The following PBX3 variants were observed in gnomAD, a reference collection of about 807,000 sequenced individuals.
The protein encoded by PBX3 is pre-B-cell leukemia transcription factor 3.
Under a neutral mutation model 48.5 loss-of-function variants are expected in PBX3, and 14 were observed. The observed-to-expected ratio is 0.29, with a 90% confidence interval of 0.19 to 0.45. The LOEUF (loss-of-function observed/expected upper bound fraction) is 0.45. PBX3 is among the 20% of genes least tolerant of loss of function. The pLI is 1.00. For missense variants in PBX3, 386 were observed against 546.7 expected, an observed-to-expected ratio of 0.71 and a Z score of 2.93; for synonymous variants, 210 against 200.3, an observed-to-expected ratio of 1.05 and a Z score of -0.41.
At chr9:125,933,551 C>T (rs1409619594) in intron 4 of PBX3, among the ~76,000 whole-genome samples, 1 of 152,134 alleles carries the variant, frequency 6.6e-6, no homozygotes, top group African/African-American at 2.4e-5. Context: ...GTCATCTATT[C>T]CCATCTACCC....
intron 2 of PBX3, among the ~76,000 whole-genome samples, chr9:125,879,615 CAA>C (rs1840335886): frequency 7.1e-6 from 1 of 140,354 alleles, no homozygotes; most frequent in Non-Finnish European, 1.6e-5. Flanking sequence ...TAAGTTATCA[CAA>C]ATTATTAGAA....
At chr9:125,812,808 G>A (rs1484928307) in intron 2 of PBX3, among the ~76,000 whole-genome samples, 1 of 152,206 alleles carries the variant, frequency 6.6e-6, no homozygotes, top group African/African-American at 2.4e-5. Flanking sequence ...AGCATGTTAT[G>A]TGCTGAATAC....
At chr9:125,765,575 A>G (rs1405727649) in intron 2 of PBX3, among the ~76,000 whole-genome samples, 1 of 152,074 alleles carries the variant, frequency 6.6e-6, no homozygotes, top group African/African-American at 2.4e-5. Context: ...GAGCACAAAT[A>G]CTACCTGTTT....
chr9:125,855,993 A>G (rs1225562513), intron 2 of PBX3, among the ~76,000 whole-genome samples: 3 of 152,198 alleles, frequency 2.0e-5, no homozygotes, highest in Admixed American at 6.5e-5. Context: ...AATTTACAAC[A>G]TAATATCATG....
At chr9:125,797,009 A>C (rs544033185) in intron 2 of PBX3, among the ~76,000 whole-genome samples, 1 of 152,064 alleles carries the variant, frequency 6.6e-6, no homozygotes, top group Admixed American at 6.5e-5. Context: ...CCACCCCCCA[A>C]TAATTCTTGG....
intron 2 of PBX3, among the ~76,000 whole-genome samples, chr9:125,761,546 C>G (rs79571619): frequency 0.035 from 5,386 of 151,994 alleles, 331 homozygotes; most frequent in African/African-American, 0.12. Context: ...TTTGTCTTGT[C>G]ATGATGCATG....
At chr9:125,958,893 C>T (rs755131282) in intron 5 of PBX3, among the ~76,000 whole-genome samples, 4 of 152,206 alleles carry the variant, frequency 2.6e-5, no homozygotes, top group Admixed American at 6.5e-5. Context: ...TCCTCTCTCT[C>T]TCTCTGTCTG....
chr9:125,924,574 A>G (rs1841529871), intron 3 of PBX3, among the ~76,000 whole-genome samples: 1 of 152,218 alleles, frequency 6.6e-6, no homozygotes, highest in South Asian at 2.1e-4. Flanking sequence ...TCTGGTTTTC[A>G]CTTTGAATGG....
intron 2 of PBX3, among the ~76,000 whole-genome samples, chr9:125,872,966 G>C (rs1263185535): frequency 1.3e-5 from 2 of 151,558 alleles, no homozygotes; most frequent in African/African-American, 4.9e-5. Flanking sequence ...TTGGGAGACC[G>C]AGGCGGGTGG....
Position 125,747,442 on chromosome 9 carries a change from G to C in PBX3, c.-12G>C, listed in dbSNP as rs779174005. The C allele has an allele frequency of 1.5e-6, 2 of 1,342,014 alleles. No homozygotes were observed. Among genetic ancestry groups the C allele is most frequent in the Admixed American group, 5.4e-5 (2 of 36,806 alleles). The allele number at this position is 1,342,014 out of a possible 1,614,324, so 83.1% of individuals were successfully genotyped here. On this transcript the variant is annotated 5_prime_UTR_variant, in exon 1 of 9. Transcript: ENST00000373489. The stretch of plus-strand genomic sequence containing the variant: ...CCTCAGCCGCCGCCCGCTCCCGCCC[G>C]CGCGCGGCGGGATGGACGATCAATC...
At chr9:125,863,876 A>G (rs1839920355) in intron 2 of PBX3, among the ~76,000 whole-genome samples, 1 of 152,176 alleles carries the variant, frequency 6.6e-6, no homozygotes, top group African/African-American at 2.4e-5. Context: ...TCCCCAGTTA[A>G]GAACCTTTTA....
At chr9:125,956,331 C>T (rs1460113638) in intron 5 of PBX3, among the ~76,000 whole-genome samples, 2 of 152,242 alleles carry the variant, frequency 1.3e-5, no homozygotes, top group East Asian at 3.8e-4. Flanking sequence ...TCTGACTCAA[C>T]TCCCTCCAAG....
intron 2 of PBX3, among the ~76,000 whole-genome samples, chr9:125,825,903 T>C (rs1434187894): frequency 3.9e-5 from 6 of 152,208 alleles, no homozygotes; most frequent in Non-Finnish European, 7.3e-5. Flanking sequence ...TTTGTTTAGT[T>C]TAGGAATCTT....
intron 2 of PBX3, among the ~76,000 whole-genome samples, chr9:125,911,155 A>G (rs892375132): frequency 6.6e-6 from 1 of 152,142 alleles, no homozygotes; most frequent in Non-Finnish European, 1.5e-5. Context: ...TTTCACAACC[A>G]AAAGTAATTG....
At chr9:125,829,906 A>G (rs1352090096) in intron 2 of PBX3, among the ~76,000 whole-genome samples, 1 of 152,142 alleles carries the variant, frequency 6.6e-6, no homozygotes, top group Non-Finnish European at 1.5e-5. Flanking sequence ...ACTGCTTTCT[A>G]TACGTATCTG....
At chr9:125,880,931 G>T (rs1039471497) in intron 2 of PBX3, among the ~76,000 whole-genome samples, 10 of 152,140 alleles carry the variant, frequency 6.6e-5, no homozygotes, top group Non-Finnish European at 2.9e-5. Context: ...TAAAAACAGA[G>T]TTATGCTTTC....
chr9:125,789,273 A>G (rs1564655609), intron 2 of PBX3, among the ~76,000 whole-genome samples: 1 of 152,220 alleles, frequency 6.6e-6, no homozygotes, highest in Non-Finnish European at 1.5e-5. Context: ...GAAAACAGCA[A>G]ACATTTATCA....
intron 2 of PBX3, among the ~76,000 whole-genome samples, chr9:125,837,793 TGTTAG>T (rs1839180753): frequency 1.3e-5 from 2 of 152,060 alleles, no homozygotes; most frequent in African/African-American, 4.8e-5. Flanking sequence ...GGTTTCACCG[TGTTAG>T]CCAGGATGGT....
intron 2 of PBX3, among the ~76,000 whole-genome samples, chr9:125,818,215 AAAAC>A (rs1838527256): frequency 6.6e-6 from 1 of 152,064 alleles, no homozygotes; most frequent in Non-Finnish European, 1.5e-5. Context: ...AACCAAAAAA[AAAAC>A]AAAAACCAAA....
Sources: allele counts gnomAD v4.1 joint callset (sites outside exome capture counted in the v4.1 genomes callset), GRCh38; gene constraint gnomAD v4.1.1; transcripts MANE v1.5; gene names NCBI Gene and HGNC (gene_info 2026-07-23, HGNC 2026-07-21).